Variants in LRMDA observed in about 807,000 individuals in gnomAD.
LRMDA encodes leucine-rich melanocyte differentiation-associated protein.
A neutral mutation model predicts 29.8 loss-of-function variants in LRMDA; 18 were observed. The observed-to-expected ratio is 0.60, with a 90% confidence interval of 0.42 to 0.90. The LOEUF (loss-of-function observed/expected upper bound fraction) is 0.90. Among genes scored for constraint, LRMDA ranks in the 40% least tolerant of loss-of-function variants. The pLI is 0.00. For synonymous variants in LRMDA, 125 were observed against 109.4 expected, an observed-to-expected ratio of 1.14 and a Z score of -0.89; for missense variants, 273 against 273.9, an observed-to-expected ratio of 1.00 and a Z score of 0.02.
chr10:75,786,146 A>G (rs915619851), intron 2 of LRMDA, among the ~76,000 whole-genome samples: 1 of 152,178 alleles, frequency 6.6e-6, no homozygotes, highest in Non-Finnish European at 1.5e-5. Flanking sequence ...TGGTTATTAC[A>G]TTGTTCAGTT....
intron 6 of LRMDA, among the ~76,000 whole-genome samples, chr10:76,555,843 CTAGG>C (rs1195185730): frequency 6.6e-6 from 1 of 150,720 alleles, no homozygotes; most frequent in African/African-American, 2.4e-5. Flanking sequence ...CATCATGTCC[CTAGG>C]TAGCTATTTT....
At chr10:75,949,584 A>T (rs922719497) in intron 2 of LRMDA, among the ~76,000 whole-genome samples, 21 of 152,236 alleles carry the variant, frequency 1.4e-4, no homozygotes, top group African/African-American at 4.8e-4. Context: ...GAAGGAATAG[A>T]ACTATCCTCT....
At chr10:75,901,247 A>T (rs971694167) in intron 2 of LRMDA, among the ~76,000 whole-genome samples, 3 of 152,002 alleles carry the variant, frequency 2.0e-5, no homozygotes, top group Non-Finnish European at 4.4e-5. Context: ...ATGGCCTGGC[A>T]TGTTCAACCT....
chr10:75,751,465 T>G (rs1842968879), intron 2 of LRMDA, among the ~76,000 whole-genome samples: 1 of 152,172 alleles, frequency 6.6e-6, no homozygotes, highest in African/African-American at 2.4e-5. Context: ...TTGGGATAAA[T>G]TTAAATAATT....
chr10:75,892,646 C>T (rs1845512051), intron 2 of LRMDA, among the ~76,000 whole-genome samples: 1 of 152,076 alleles, frequency 6.6e-6, no homozygotes, highest in Non-Finnish European at 1.5e-5. Flanking sequence ...GTAATAGCAG[C>T]CGATAATGTA....
intron 2 of LRMDA, among the ~76,000 whole-genome samples, chr10:75,706,732 CT>C (rs61099708): frequency 0.015 from 1,954 of 126,182 alleles, 24 homozygotes; most frequent in African/African-American, 0.041. Context: ...ATTGGTACCA[CT>C]TTTTTTTTTT....
chr10:76,105,720 C>G (rs1313014513), intron 5 of LRMDA, among the ~76,000 whole-genome samples: 2 of 152,064 alleles, frequency 1.3e-5, no homozygotes, highest in Non-Finnish European at 2.9e-5. Flanking sequence ...AACCTGGCCT[C>G]CGGAACTGGG....
intron 2 of LRMDA, among the ~76,000 whole-genome samples, chr10:75,877,296 T>C (rs1016307193): frequency 6.6e-6 from 1 of 152,220 alleles, no homozygotes; most frequent in Non-Finnish European, 1.5e-5. Context: ...CTGCCATGAG[T>C]TGGCCTCGTC....
At chr10:75,859,487 A>G (rs1844882185) in intron 2 of LRMDA, among the ~76,000 whole-genome samples, 1 of 152,092 alleles carries the variant, frequency 6.6e-6, no homozygotes. Context: ...AATTTCACAT[A>G]TGTATTGTCT....
At chr10:75,843,804 G>A (rs905504811) in intron 2 of LRMDA, among the ~76,000 whole-genome samples, 5 of 152,094 alleles carry the variant, frequency 3.3e-5, no homozygotes, top group Admixed American at 1.3e-4. Flanking sequence ...AAGGTAAATA[G>A]CAACACAAAA....
At chr10:75,578,469 C>T (rs1489991929) in intron 2 of LRMDA, among the ~76,000 whole-genome samples, 3 of 151,900 alleles carry the variant, frequency 2.0e-5, no homozygotes, top group Admixed American at 2.0e-4. Context: ...CTTTAACACC[C>T]CACTGTCAAT....
At chr10:75,987,228 T>A (rs1221078945) in intron 2 of LRMDA, among the ~76,000 whole-genome samples, 1 of 152,252 alleles carries the variant, frequency 6.6e-6, no homozygotes, top group African/African-American at 2.4e-5. Context: ...ATGATCCTGG[T>A]CTTTATGATA....
chr10:76,159,269 T>C (rs1389222611), intron 5 of LRMDA, among the ~76,000 whole-genome samples: 4 of 152,164 alleles, frequency 2.6e-5, no homozygotes, highest in Non-Finnish European at 5.9e-5. Flanking sequence ...ACCAAATGAA[T>C]ATTAAAAACT....
At chr10:75,740,693 A>G (rs1431767870) in intron 2 of LRMDA, among the ~76,000 whole-genome samples, 2 of 152,168 alleles carry the variant, frequency 1.3e-5, no homozygotes, top group Non-Finnish European at 2.9e-5. Flanking sequence ...CATTTCAGCT[A>G]AGAATCCCAA....
chr10:75,877,404 T>G (rs1845216190), intron 2 of LRMDA, among the ~76,000 whole-genome samples: 1 of 152,206 alleles, frequency 6.6e-6, no homozygotes, highest in Non-Finnish European at 1.5e-5. Flanking sequence ...GTCTCTCAAT[T>G]CCCACCAATA....
At chr10:76,045,835 AT>A (rs1848429944) in intron 3 of LRMDA, among the ~76,000 whole-genome samples, 1 of 152,126 alleles carries the variant, frequency 6.6e-6, no homozygotes, top group Non-Finnish European at 1.5e-5. Flanking sequence ...TGCTTGGCAA[AT>A]ATTTTAGGGA....
chr10:75,847,762 A>G (rs1844665544), intron 2 of LRMDA, among the ~76,000 whole-genome samples: 1 of 152,208 alleles, frequency 6.6e-6, no homozygotes, highest in Admixed American at 6.5e-5. Flanking sequence ...CAACATCACT[A>G]ATCATAAGGG....
At chr10:75,654,322 G>C (rs1432517544) in intron 2 of LRMDA, among the ~76,000 whole-genome samples, 2 of 152,066 alleles carry the variant, frequency 1.3e-5, no homozygotes, top group African/African-American at 4.8e-5. Flanking sequence ...TGTCTTAGAG[G>C]GTGACTAAGA....
chr10:76,231,684 C>A (rs1273113543), intron 5 of LRMDA, among the ~76,000 whole-genome samples: 1 of 152,128 alleles, frequency 6.6e-6, no homozygotes, highest in Non-Finnish European at 1.5e-5. Flanking sequence ...GTAATAAAAA[C>A]CATCTTTGCT....
Sources: allele counts gnomAD v4.1 joint callset (sites outside exome capture counted in the v4.1 genomes callset), GRCh38; gene constraint gnomAD v4.1.1; transcripts MANE v1.5; gene names NCBI Gene and HGNC (gene_info 2026-07-23, HGNC 2026-07-21).